The following ATIC variants were observed in gnomAD, a reference collection of about 807,000 sequenced individuals.
The protein encoded by ATIC is bifunctional purine biosynthesis protein ATIC.
In ATIC, 64 loss-of-function variants were observed where a neutral mutation model predicts 72.5. That is an observed-to-expected ratio of 0.88 (90% confidence interval 0.72 to 1.09). The LOEUF (loss-of-function observed/expected upper bound fraction) is 1.09. ATIC is among the 50% of genes least tolerant of loss of function. ATIC has a pLI of 0.00. For missense variants in ATIC, 787 were observed against 732.4 expected (o/e 1.07, Z -0.86); for synonymous variants, 281 against 267.1 (o/e 1.05, Z -0.51).
intron 11 of ATIC, among the ~76,000 whole-genome samples, chr2:215,336,414 T>G (rs1378628277): frequency 6.6e-6 from 1 of 152,234 alleles, no homozygotes; most frequent in Non-Finnish European, 1.5e-5. Flanking sequence ...TTGGAGGCTG[T>G]ATTGTGGTAC....
intron 2 of ATIC, among the ~76,000 whole-genome samples, chr2:215,317,033 G>T (rs940990905): frequency 6.6e-6 from 1 of 152,186 alleles, no homozygotes; most frequent in Admixed American, 6.5e-5. Flanking sequence ...AAAGTGCTGG[G>T]ATTACAGGTG....
chr2:215,322,060 T>C (rs2052773695), intron 4 of ATIC, among the ~76,000 whole-genome samples: 1 of 149,924 alleles, frequency 6.7e-6, no homozygotes, highest in Admixed American at 6.7e-5. Context: ...GCCACCACAC[T>C]TGGCTAATTT....
At chr2:215,324,162 G>C (rs1237290729) in intron 4 of ATIC, among the ~76,000 whole-genome samples, 1 of 152,206 alleles carries the variant, frequency 6.6e-6, no homozygotes, top group Non-Finnish European at 1.5e-5. Flanking sequence ...CTCCCAAAGT[G>C]CTGGGATTAT....
chr2:215,322,686 T>C (rs2052781752), intron 4 of ATIC, among the ~76,000 whole-genome samples: 1 of 152,138 alleles, frequency 6.6e-6, no homozygotes, highest in South Asian at 2.1e-4. Flanking sequence ...CTTAAGTCTT[T>C]GGTTCATTTT....
intron 1 of ATIC, 124 bp downstream of exon 1, chr2:215,312,285 C>G (rs2052660808): frequency 2.8e-6 from 4 of 1,441,514 alleles, no homozygotes; most frequent in Non-Finnish European, 3.7e-6. Flanking sequence ...AAGCCAGCGT[C>G]CCCGCTCCCC....
chr2:215,316,948 G>C (rs1235438112), intron 2 of ATIC, among the ~76,000 whole-genome samples: 4 of 152,122 alleles, frequency 2.6e-5, no homozygotes, highest in Non-Finnish European at 5.9e-5. Context: ...TTTTAGTAGA[G>C]GCGGGGTTTC....
At chr2:215,353,092 A>G (rs909394611), downstream of ATIC, among the ~76,000 whole-genome samples, 5 of 152,222 alleles carry the variant, frequency 3.3e-5, no homozygotes, top group Non-Finnish European at 7.3e-5. Flanking sequence ...ATTTGAGGTT[A>G]AAAACACGGA....
At chr2:215,364,997 C>T in the ATIC span, 5 of 1,511,078 alleles carry the variant, frequency 3.3e-6, no homozygotes, top group East Asian at 9.3e-5. Flanking sequence ...TGCATATAGA[C>T]ACAAGACAGA....
chr2:215,327,321 C>T (rs1405658263), intron 7 of ATIC, among the ~76,000 whole-genome samples: 4 of 152,084 alleles, frequency 2.6e-5, no homozygotes, highest in African/African-American at 7.2e-5. Context: ...TGTGGAGGAA[C>T]CAGCAGAAGA....
At chr2:215,330,399 G>A (rs1052176780) in intron 7 of ATIC, among the ~76,000 whole-genome samples, 1 of 151,974 alleles carries the variant, frequency 6.6e-6, no homozygotes. Context: ...AAAAATACAC[G>A]GTGATTATAG....
chr2:215,314,999 G>A (rs1459221478), intron 2 of ATIC, among the ~76,000 whole-genome samples: 2 of 152,190 alleles, frequency 1.3e-5, no homozygotes, highest in African/African-American at 4.8e-5. Context: ...GTTCAACAAA[G>A]AATGGACAGA....
the ATIC span, among the ~76,000 whole-genome samples, chr2:215,356,173 A>G: frequency 6.6e-6 from 1 of 152,232 alleles, no homozygotes; most frequent in Non-Finnish European, 1.5e-5. Context: ...GGCACTTAAA[A>G]TACCACCTGA....
At chr2:215,332,245 TTA>T (rs2052903522) in intron 7 of ATIC, 135 bp from the exon 8 acceptor site, 1 of 1,280,896 alleles carries the variant, frequency 7.8e-7, no homozygotes, top group African/African-American at 1.5e-5. Flanking sequence ...CATCAAGATT[TTA>T]TGTTTGTGTG....
At chr2:215,320,872 G>A (rs988680173) in intron 4 of ATIC, among the ~76,000 whole-genome samples, 6 of 152,064 alleles carry the variant, frequency 3.9e-5, no homozygotes, top group Non-Finnish European at 5.9e-5. Flanking sequence ...GAGCCACCAC[G>A]CCCGGCCTGC....
intron 2 of ATIC, among the ~76,000 whole-genome samples, 178 bp from the exon 3 acceptor site, chr2:215,317,979 C>T (rs1465135100): frequency 2.0e-5 from 3 of 151,804 alleles, no homozygotes; most frequent in East Asian, 1.9e-4. Flanking sequence ...AACTTTTTTT[C>T]GGAAGTAAAT....
downstream of ATIC, among the ~76,000 whole-genome samples, chr2:215,351,342 A>C (rs571328183): frequency 6.6e-6 from 1 of 152,358 alleles, no homozygotes; most frequent in African/African-American, 2.4e-5. Context: ...ACTGTTGTTA[A>C]GCCACAAAGT....
At chr2:215,317,784 C>T (rs1028050582) in intron 2 of ATIC, among the ~76,000 whole-genome samples, 2 of 152,056 alleles carry the variant, frequency 1.3e-5, no homozygotes, top group Admixed American at 6.6e-5. Context: ...CCACCGTGCC[C>T]GGCCAAGGAT....
chr2:215,340,433 CTTG>C (rs2053006886), intron 12 of ATIC, among the ~76,000 whole-genome samples: 1 of 152,112 alleles, frequency 6.6e-6, no homozygotes, highest in African/African-American at 2.4e-5. Flanking sequence ...GTAGGCTGTG[CTTG>C]TTGTTCAGTA....
At position 215,333,457 on chromosome 2, in the gene ATIC, G is replaced by A. The variant is rs1233912600; in HGVS notation, c.922G>A (p.Gly308Arg). 1 of 1,612,010 alleles carries A rather than the reference G, an allele frequency of 6.2e-7. No individual in the cohort carries two copies. Among genetic ancestry groups the A allele is most frequent in the Non-Finnish European group, 8.5e-7 (1 of 1,178,586 alleles). The change falls in exon 9 of 16, where the codon GGG (glycine) becomes AGG (arginine). Residue 308 changes from glycine to arginine, a missense_variant and splice_region_variant. Physicochemically the swap from Gly to Arg is moderately radical, Grantham distance 125 (BLOSUM62 -2). Coordinates refer to ENST00000236959, the MANE Select transcript of ATIC (RefSeq NM_004044.7). ...CTCAGCGGCATATGCAAGAGCAAGAGGTCAGACTCATAGGGCTTTTTGATT... is the reference window on the plus strand; with the variant it reads ...CTCAGCGGCATATGCAAGAGCAAGAAGTCAGACTCATAGGGCTTTTTGATT... ...PISAAYARARGADRMSSFGDF... is the reference protein window; with the variant it reads ...PISAAYARARRADRMSSFGDF...
Sources: allele counts gnomAD v4.1 joint callset (sites outside exome capture counted in the v4.1 genomes callset), GRCh38; gene constraint gnomAD v4.1.1; transcripts MANE v1.5; gene names NCBI Gene and HGNC (gene_info 2026-07-23, HGNC 2026-07-21).